Variants in RALY observed in about 807,000 individuals in gnomAD.
RALY encodes the protein RNA-binding protein Raly.
A neutral mutation model predicts 30.7 loss-of-function variants in RALY; 15 were observed. The observed-to-expected ratio is 0.49, with a 90% CI of 0.33 to 0.75. The LOEUF (loss-of-function observed/expected upper bound fraction) is 0.75, where lower values mean the gene tolerates loss of function less well. Among genes scored for constraint, RALY ranks in the 30% least tolerant of loss-of-function variants. The pLI is 0.02. For synonymous variants in RALY, 177 were observed against 170.8 expected (o/e 1.04, Z -0.28); for missense variants, 339 against 414.3 (o/e 0.82, Z 1.58).
At chr20:34,000,327 C>T (rs570951385) in intron 1 of RALY, among the ~76,000 whole-genome samples, 2 of 151,786 alleles carry the variant, frequency 1.3e-5, no homozygotes, top group Admixed American at 1.3e-4. Flanking sequence ...ATAAAATCAT[C>T]TGGGGGGGTC....
At chr20:34,068,483 C>T (rs777495948) in intron 2 of RALY, among the ~76,000 whole-genome samples, 4 of 152,166 alleles carry the variant, frequency 2.6e-5, no homozygotes, top group African/African-American at 4.8e-5. Flanking sequence ...CTTCTGACCA[C>T]CTCCTGGGAC....
intron 1 of RALY, among the ~76,000 whole-genome samples, chr20:33,999,604 C>T (rs1311475316): frequency 1.3e-5 from 2 of 152,176 alleles, no homozygotes; most frequent in Non-Finnish European, 2.9e-5. Flanking sequence ...TCCTAAGTCC[C>T]TCTCTAAGCC....
chr20:34,084,294 C>T lies in RALY; in HGVS notation c.*4389C>T, dbSNP rs747194802. ...CATGATCCTGCCGCTGCACTCCAGCCTGGGTGACAAAGCGAGACCCCAACT... is the reference window on the plus strand; with the variant it reads ...CATGATCCTGCCGCTGCACTCCAGCTTGGGTGACAAAGCGAGACCCCAACT... On this transcript the variant is annotated 3_prime_UTR_variant, in exon 10 of 10. Coordinates refer to ENST00000246194, the MANE Select transcript of RALY (RefSeq NM_016732.3). 3 of 152,238 alleles carry T rather than the reference C, an allele frequency of 2.0e-5. No individual in the cohort carries two copies. Among genetic ancestry groups the T allele is most frequent in the Non-Finnish European group, 4.4e-5 (3 of 68,108 alleles). 9.4% of individuals were successfully genotyped at this position (152,238 alleles called of 1,614,324 possible).
chr20:34,079,062 C>T (rs1308282928), intron 9 of RALY, among the ~76,000 whole-genome samples: 1 of 152,124 alleles, frequency 6.6e-6, no homozygotes, highest in Non-Finnish European at 1.5e-5. Flanking sequence ...GCAGTGCCCC[C>T]CTAGTTGGTA....
intron 2 of RALY, among the ~76,000 whole-genome samples, chr20:34,052,705 T>TA (rs1382620502): frequency 6.6e-6 from 1 of 152,214 alleles, no homozygotes; most frequent in African/African-American, 2.4e-5. Context: ...AAGGTGCCCT[T>TA]ACCGTGCAAA....
At chr20:34,024,768 T>C (rs973207996) in intron 1 of RALY, among the ~76,000 whole-genome samples, 2 of 151,938 alleles carry the variant, frequency 1.3e-5, no homozygotes, top group Non-Finnish European at 2.9e-5. Flanking sequence ...TGTGAGGTCA[T>C]TTTTTTTACC....
chr20:34,058,451 C>T, intron 2 of RALY, among the ~76,000 whole-genome samples: 1 of 152,108 alleles, frequency 6.6e-6, no homozygotes, highest in East Asian at 1.9e-4. Flanking sequence ...AGTGTCTAAG[C>T]TGCTCTCTGA....
intron 1 of RALY, among the ~76,000 whole-genome samples, chr20:34,003,885 C>A (rs925726513): frequency 1.2e-4 from 19 of 152,136 alleles, no homozygotes; most frequent in African/African-American, 4.3e-4. Context: ...GTGATCCGCC[C>A]GCCTCCGCCT....
rs1225133951 is a variant in RALY at position 34,032,573 on chromosome 20, A to G, written c.-10+969A>G. Among the ~76,000 whole-genome samples, 4 of 151,686 alleles carry G rather than the reference A, an allele frequency of 2.6e-5. No individual in the cohort carries two copies. The East Asian group carries it at 7.8e-4, about 30-fold the overall frequency. On this transcript the variant is annotated intron_variant, in intron 2 of 9. Transcript: ENST00000246194. The stretch of plus-strand genomic sequence containing the variant: ...CACTGTGTTGCCCAGGCTGGTCTCA[A>G]ACTCCTGGGCTCGTGTGATTCAAGT...
At chr20:34,072,462 T>A in intron 3 of RALY, 132 bp downstream of exon 3, 2 of 1,237,406 alleles carry the variant, frequency 1.6e-6, no homozygotes, top group Non-Finnish European at 2.2e-6. Flanking sequence ...ATAAGCTATG[T>A]TTAAGTTTTA....
In RALY at chr20:34,028,670, C is replaced by G. The variant is rs2032138713; in HGVS notation, c.-92-2852C>G. Among the ~76,000 whole-genome samples, 3 of 129,512 alleles carry G rather than the reference C, an allele frequency of 2.3e-5. No individual in the cohort carries two copies. The Admixed American group carries it at 2.6e-4, about 11-fold the overall frequency. The allele number at this position is 129,512 out of a possible 152,430, so 85.0% of individuals were successfully genotyped here. ...AGTGAGCCTAGATCGTGTCACTGCA[C>G]TCCAGCATGGGTGACAGAGCGAGAG... On this transcript the variant is annotated intron_variant, in intron 1 of 9. Coordinates refer to ENST00000246194, the MANE Select transcript of RALY (RefSeq NM_016732.3).
At chr20:34,014,067 T>A (rs996400467) in intron 1 of RALY, among the ~76,000 whole-genome samples, 1 of 152,226 alleles carries the variant, frequency 6.6e-6, no homozygotes, top group African/African-American at 2.4e-5. Context: ...TAATATTAAG[T>A]GTTTTTTGTC....
At chr20:34,012,045 G>A (rs1335750578) in intron 1 of RALY, among the ~76,000 whole-genome samples, 3 of 148,880 alleles carry the variant, frequency 2.0e-5, no homozygotes, top group South Asian at 4.2e-4. Flanking sequence ...CAGCCTGGGC[G>A]ACAGAGTGAG....
intron 5 of RALY, among the ~76,000 whole-genome samples, chr20:34,075,007 C>G (rs752011407): frequency 2.0e-5 from 3 of 152,174 alleles, no homozygotes; most frequent in Non-Finnish European, 4.4e-5. Flanking sequence ...GTGGCAGCAA[C>G]AGATGTCAGA....
At chr20:34,078,814 G>A (rs2033966643) in intron 9 of RALY, among the ~76,000 whole-genome samples, 2 of 152,194 alleles carry the variant, frequency 1.3e-5, no homozygotes, top group Admixed American at 1.3e-4. Flanking sequence ...AGCACACTCA[G>A]CCATGTTGCC....
intron 1 of RALY, among the ~76,000 whole-genome samples, chr20:34,025,901 T>TTTG: frequency 8.1e-6 from 1 of 123,676 alleles, no homozygotes; most frequent in South Asian, 2.3e-4. Context: ...TCCTGGTTGT[T>TTTG]TTTTTTTTTT....
rs1265616969 is a variant in RALY, at chr20:34,077,961, G to A, written c.877-544G>A. Among the ~76,000 whole-genome samples the A allele has an allele frequency of 5.3e-5, 8 of 152,250 alleles. No homozygotes were observed. In the South Asian group the frequency reaches 6.2e-4, roughly 12 times the overall value. Reference sequence around the variant, plus strand: ...AGTGGCATGCTCAGGGCATCAGCTCGTAGGGACTGAGCCAGGGTTGGAGTC... The same window carrying A: ...AGTGGCATGCTCAGGGCATCAGCTCATAGGGACTGAGCCAGGGTTGGAGTC... On this transcript the variant is annotated intron_variant, in intron 8 of 9. Coordinates refer to ENST00000246194, the MANE Select transcript of RALY (RefSeq NM_016732.3).
intron 2 of RALY, among the ~76,000 whole-genome samples, chr20:34,052,259 C>T (rs1368991040): frequency 6.6e-6 from 1 of 152,198 alleles, no homozygotes; most frequent in African/African-American, 2.4e-5. Context: ...CAAATTTCCT[C>T]TTCTTATTTA....
intron 3 of RALY, among the ~76,000 whole-genome samples, chr20:34,072,557 T>C (rs945744189): frequency 2.0e-4 from 30 of 152,354 alleles, no homozygotes; most frequent in African/African-American, 6.7e-4. Flanking sequence ...TTCTCAGAGC[T>C]TCTTAGTGAC....
Sources: allele counts gnomAD v4.1 joint callset (sites outside exome capture counted in the v4.1 genomes callset), GRCh38; gene constraint gnomAD v4.1.1; transcripts MANE v1.5; gene names NCBI Gene and HGNC (gene_info 2026-07-23, HGNC 2026-07-21).